The following IGF2BP2 variants were observed in gnomAD, a reference collection of about 807,000 sequenced individuals.
The protein encoded by IGF2BP2 is insulin like growth factor 2 mRNA binding protein 2, also known as insulin-like growth factor 2 mRNA-binding protein 2.
Under a neutral mutation model 75.8 loss-of-function variants are expected in IGF2BP2, and 17 were observed. The observed-to-expected ratio is 0.22, with a 90% CI of 0.15 to 0.34. IGF2BP2 has a LOEUF of 0.34. Among genes scored for constraint, IGF2BP2 ranks in the 10% least tolerant of loss-of-function variants. The pLI is 1.00. For synonymous variants in IGF2BP2, 288 were observed against 295.6 expected, an observed-to-expected ratio of 0.97 and a Z score of 0.26; for missense variants, 516 against 772.4, an observed-to-expected ratio of 0.67 and a Z score of 3.93.
intron 2 of IGF2BP2, among the ~76,000 whole-genome samples, chr3:185,742,291 C>T (rs1729663684): frequency 6.6e-6 from 1 of 151,492 alleles, no homozygotes; most frequent in Non-Finnish European, 1.5e-5. Flanking sequence ...GTCAGGGGTT[C>T]GAGACCAGCC....
At chr3:185,733,959 G>A (rs1728525223) in intron 2 of IGF2BP2, among the ~76,000 whole-genome samples, 1 of 152,160 alleles carries the variant, frequency 6.6e-6, no homozygotes, top group Non-Finnish European at 1.5e-5. Flanking sequence ...TTAAGGATTT[G>A]TTTAGAAAGA....
chr3:185,822,729 G>A (rs540352531), intron 2 of IGF2BP2, among the ~76,000 whole-genome samples: 78 of 151,764 alleles, frequency 5.1e-4, no homozygotes, highest in African/African-American at 1.8e-3. Flanking sequence ...ATCTAAAAGA[G>A]AAAAGTAATT....
intron 2 of IGF2BP2, among the ~76,000 whole-genome samples, chr3:185,743,814 G>A (rs1729889291): frequency 6.6e-6 from 1 of 152,174 alleles, no homozygotes; most frequent in South Asian, 2.1e-4. Context: ...TGGCTTTGGT[G>A]AAATCAACGA....
chr3:185,797,868 C>T (rs1280909484), intron 2 of IGF2BP2, among the ~76,000 whole-genome samples: 2 of 143,442 alleles, frequency 1.4e-5, no homozygotes, highest in East Asian at 4.1e-4. Context: ...ATCACTCCAG[C>T]CTGAGTGACA....
intron 2 of IGF2BP2, among the ~76,000 whole-genome samples, chr3:185,743,615 A>T (rs1375483128): frequency 6.6e-6 from 1 of 152,198 alleles, no homozygotes; most frequent in Non-Finnish European, 1.5e-5. Context: ...CTGTTTTTTG[A>T]ACAAGGGACC....
chr3:185,757,466 T>G (rs1302980870), intron 2 of IGF2BP2, among the ~76,000 whole-genome samples: 1 of 147,804 alleles, frequency 6.8e-6, no homozygotes, highest in Non-Finnish European at 1.5e-5. Context: ...ATACTTTTTT[T>G]TTTTTTTTTT....
rs138798246 is a variant in IGF2BP2, at chr3:185,813,110, T to G, written c.239+10043A>C. Among the ~76,000 whole-genome samples the G allele has an allele frequency of 1.1e-3, 165 of 152,358 alleles. 1 individual carries two copies. Among genetic ancestry groups the G allele is most frequent in the African/African-American group, 3.6e-3 (148 of 41,592 alleles). On this transcript the variant is annotated intron_variant, in intron 2 of 15. Coordinates refer to ENST00000382199, the MANE Select transcript of IGF2BP2 (RefSeq NM_006548.6). ...GAACCAATCACCTGTTCCTGGGCCC[T>G]TTGTAACTCTTAAAATGCCTTTTCG...
intron 2 of IGF2BP2, among the ~76,000 whole-genome samples, chr3:185,779,162 T>G (rs1578272530): frequency 6.6e-6 from 1 of 152,016 alleles, no homozygotes; most frequent in East Asian, 1.9e-4. Context: ...CAAAATACAC[T>G]ACTGATTAAA....
At chr3:185,668,829 G>C (rs938935266) in intron 10 of IGF2BP2, among the ~76,000 whole-genome samples, 6 of 152,020 alleles carry the variant, frequency 3.9e-5, no homozygotes, top group Non-Finnish European at 8.8e-5. Flanking sequence ...CTGTATGTAG[G>C]TTTTAACTTA....
chr3:185,691,449 T>C (rs1721942424), intron 5 of IGF2BP2, among the ~76,000 whole-genome samples: 2 of 152,092 alleles, frequency 1.3e-5, no homozygotes, highest in South Asian at 2.1e-4. Flanking sequence ...ACTAGCAGTA[T>C]GAAAATGGGT....
chr3:185,744,057 A>G (rs1729923808), intron 2 of IGF2BP2, among the ~76,000 whole-genome samples: 1 of 152,208 alleles, frequency 6.6e-6, no homozygotes, highest in African/African-American at 2.4e-5. Flanking sequence ...AAGCAGCCCC[A>G]GACTCTGGCA....
chr3:185,694,067 C>T (rs994088587), intron 4 of IGF2BP2, among the ~76,000 whole-genome samples: 35 of 152,148 alleles, frequency 2.3e-4, no homozygotes, highest in Non-Finnish European at 1.2e-4. Context: ...TTATGGGTTG[C>T]AGGGAGTTGT....
intron 13 of IGF2BP2, among the ~76,000 whole-genome samples, chr3:185,650,088 C>CTT (rs542843120): frequency 1.2e-4 from 15 of 125,980 alleles, no homozygotes; most frequent in East Asian, 4.7e-4. Context: ...TGTTTTCATT[C>CTT]TTTTTTTTTT....
intron 2 of IGF2BP2, among the ~76,000 whole-genome samples, chr3:185,710,152 ATTT>A (rs567527407): frequency 4.4e-4 from 52 of 117,530 alleles, no homozygotes; most frequent in African/African-American, 1.0e-3. Context: ...GTAGTTTTAG[ATTT>A]TTTTTTTTTT....
chr3:185,811,133 T>C (rs1343405892), intron 2 of IGF2BP2, among the ~76,000 whole-genome samples: 2 of 152,048 alleles, frequency 1.3e-5, no homozygotes, highest in Non-Finnish European at 2.9e-5. Context: ...GATCATCACA[T>C]AAAGATAAAA....
chr3:185,668,274 T>C (rs1401030715), intron 10 of IGF2BP2, among the ~76,000 whole-genome samples: 1 of 152,058 alleles, frequency 6.6e-6, no homozygotes, highest in Non-Finnish European at 1.5e-5. Context: ...ATGCCCATAA[T>C]AAGTAAAAAC....
In IGF2BP2 at chr3:185,694,235, C is replaced by T. The variant is rs139698869; in HGVS notation, c.341-1473G>A. On this transcript the variant is annotated intron_variant, in intron 4 of 15. Coordinates refer to ENST00000382199, the MANE Select transcript of IGF2BP2 (RefSeq NM_006548.6). ...CAGGGGAGGTGTAGCACATTACTGT[C>T]CTCTCTCAGTGCTGACACAGAGAAT... Among the ~76,000 whole-genome samples the T allele has an allele frequency of 3.0e-3, 450 of 152,292 alleles. 2 individuals carry two copies. The highest frequency in any genetic ancestry group is 0.01 in the African/African-American group (424 of 41,568).
chr3:185,717,232 G>A (rs1431221245), intron 2 of IGF2BP2: 1 of 174,848 alleles, frequency 5.7e-6, no homozygotes, highest in Non-Finnish European at 1.2e-5. Context: ...GTGGGCATCA[G>A]GACCAACGGG....
chr3:185,647,146 G>A lies in IGF2BP2; in HGVS notation c.1594-8C>T. The A allele has an allele frequency of 6.2e-7, 1 of 1,605,344 alleles. No homozygotes were observed. ...GTTCTGCAGTTCGTTCACCTGTGAA[G>A]GGAGAAACGGCAACGGGTTGGATAG... On this transcript the variant is annotated splice_region_variant and splice_polypyrimidine_tract_variant and intron_variant, in intron 14 of 15. Coordinates refer to ENST00000382199, the MANE Select transcript of IGF2BP2 (RefSeq NM_006548.6). This position sits in a 1 kb window ranked among gnomAD's most constrained non-coding sequence, Gnocchi z 4.9.
Sources: allele counts gnomAD v4.1 joint callset (sites outside exome capture counted in the v4.1 genomes callset), GRCh38; gene constraint gnomAD v4.1.1; non-coding constraint Gnocchi (gnomAD v3.1); transcripts MANE v1.5; gene names NCBI Gene and HGNC (gene_info 2026-07-23, HGNC 2026-07-21).